The following PLD5 variants were observed in gnomAD, a reference collection of about 807,000 sequenced individuals.
The protein encoded by PLD5 is inactive phospholipase D5.
PLD5 carries 36 observed loss-of-function variants against 61.1 expected under a neutral mutation model. The observed-to-expected ratio is 0.59, with a 90% CI of 0.45 to 0.78. PLD5 has a LOEUF of 0.78. Ranked by LOEUF, PLD5 falls within the 30% of genes least tolerant of loss-of-function variation. PLD5 has a pLI of 0.00. For synonymous variants in PLD5, 243 were observed against 242.8 expected, an observed-to-expected ratio of 1.00 and a Z score of -0.01; for missense variants, 515 against 644.4, an observed-to-expected ratio of 0.80 and a Z score of 2.17.
chr1:242,438,151 A>G (rs1666090747), intron 1 of PLD5, among the ~76,000 whole-genome samples: 1 of 152,208 alleles, frequency 6.6e-6, no homozygotes, highest in Non-Finnish European at 1.5e-5. Flanking sequence ...TAACTTTTTA[A>G]AAGTCCCTAA....
At chr1:242,267,392 G>A (rs1673751199) in intron 3 of PLD5, among the ~76,000 whole-genome samples, 1 of 152,158 alleles carries the variant, frequency 6.6e-6, no homozygotes, top group Non-Finnish European at 1.5e-5. Context: ...CAGAGTGGAA[G>A]TTGCACCATT....
rs978923559 is a variant in PLD5 at position 242,242,016 on chromosome 1, C to T, written c.608-21901G>A. On this transcript the variant is annotated intron_variant, in intron 4 of 9. Coordinates refer to ENST00000536534, the MANE Select transcript of PLD5 (RefSeq NM_001372062.1). ...CTATATATATATATATATATAGACACACACACACACACACACACACACACA... is the reference window on the plus strand; with the variant it reads ...CTATATATATATATATATATAGACATACACACACACACACACACACACACA... 1.1e-3 allele frequency among the ~76,000 whole-genome samples: 140 copies of T among 130,012 alleles called. 1 individual carries two copies. The highest frequency in any genetic ancestry group is 3.3e-3 in the African/African-American group (109 of 33,202). The allele number at this position is 130,012 out of a possible 152,430, so 85.3% of individuals were successfully genotyped here. A position where few individuals can be genotyped will look rare whatever the true frequency, so the allele number is the denominator to read the frequency against.
chr1:242,450,088 T>G (rs1666720510), intron 1 of PLD5, among the ~76,000 whole-genome samples: 1 of 152,232 alleles, frequency 6.6e-6, no homozygotes. Flanking sequence ...TAGCCTGTGC[T>G]GCTCACTTAT....
At chr1:242,176,227 C>T (rs1183520826) in intron 5 of PLD5, among the ~76,000 whole-genome samples, 1 of 152,086 alleles carries the variant, frequency 6.6e-6, no homozygotes, top group Non-Finnish European at 1.5e-5. Context: ...GGTACTGGTA[C>T]CAAAACAGAC....
At chr1:242,371,061 T>C (rs1241268799) in intron 1 of PLD5, among the ~76,000 whole-genome samples, 2 of 152,198 alleles carry the variant, frequency 1.3e-5, no homozygotes, top group Non-Finnish European at 2.9e-5. Flanking sequence ...AAAACACTGC[T>C]GACAAAACCC....
intron 1 of PLD5, among the ~76,000 whole-genome samples, chr1:242,421,902 T>A (rs185304944): frequency 2.0e-5 from 3 of 152,338 alleles, no homozygotes; most frequent in Admixed American, 1.3e-4. Flanking sequence ...TGTTTAACAG[T>A]ATGTGTCCAG....
At chr1:242,119,729 A>T (rs773327277) in intron 6 of PLD5, among the ~76,000 whole-genome samples, 4 of 152,196 alleles carry the variant, frequency 2.6e-5, no homozygotes, top group Non-Finnish European at 5.9e-5. Context: ...TGCTGGTGGG[A>T]TTGTAAAATG....
At chr1:242,271,859 T>C (rs1418454459) in intron 3 of PLD5, among the ~76,000 whole-genome samples, 1 of 151,592 alleles carries the variant, frequency 6.6e-6, no homozygotes, top group Non-Finnish European at 1.5e-5. Flanking sequence ...AGTCACACAT[T>C]ACAGGGGAAG....
intron 2 of PLD5, among the ~76,000 whole-genome samples, chr1:242,290,204 G>A (rs140104828): frequency 0.051 from 6,453 of 126,374 alleles, 208 homozygotes; most frequent in Middle Eastern, 0.098. Flanking sequence ...AGCTTAATCA[G>A]AGGGAAAACA....
intron 1 of PLD5, among the ~76,000 whole-genome samples, chr1:242,516,097 T>C (rs1669092521): frequency 6.6e-6 from 1 of 152,054 alleles, no homozygotes; most frequent in South Asian, 2.1e-4. Context: ...CATTTGATTA[T>C]CCTCTTTTGT....
chr1:242,313,798 G>T (rs1275270739), intron 2 of PLD5, among the ~76,000 whole-genome samples: 4 of 90,056 alleles, frequency 4.4e-5, no homozygotes, highest in African/African-American at 1.2e-4. Flanking sequence ...TTTTTATAGA[G>T]AATGTGCTTC....
intron 5 of PLD5, among the ~76,000 whole-genome samples, chr1:242,146,859 C>T (rs1664580269): frequency 1.3e-5 from 2 of 152,130 alleles, no homozygotes; most frequent in Admixed American, 1.3e-4. Context: ...CACAGGAAGC[C>T]TTTTCTAAAA....
At chr1:242,399,999 T>A (rs1055778638) in intron 1 of PLD5, among the ~76,000 whole-genome samples, 3 of 151,916 alleles carry the variant, frequency 2.0e-5, no homozygotes, top group Non-Finnish European at 4.4e-5. Context: ...AGAAACCCAG[T>A]CTCTACTAAA....
At position 242,084,272 on chromosome 1, in the gene PLD5, G is replaced by A. The variant is rs1321314781; in HGVS notation, c.*5582C>T. 1 of 151,258 alleles carries A rather than the reference G, an allele frequency of 6.6e-6. No individual in the cohort carries two copies. Among genetic ancestry groups the A allele is most frequent in the East Asian group, 1.9e-4 (1 of 5,174 alleles). 9.4% of individuals were successfully genotyped at this position (151,258 alleles called of 1,614,324 possible). A position where few individuals can be genotyped will look rare whatever the true frequency, so the allele number is the denominator to read the frequency against. ...TTGCAGACTCAAAGTTCACTTTTAA[G>A]CCTTTGCTAACCTCTCCAATGATAG... On this transcript the variant is annotated 3_prime_UTR_variant, in exon 10 of 10. Transcript: ENST00000536534.
At chr1:242,216,374 A>G (rs1244368061) in intron 5 of PLD5, among the ~76,000 whole-genome samples, 1 of 152,202 alleles carries the variant, frequency 6.6e-6, no homozygotes, top group Non-Finnish European at 1.5e-5. Flanking sequence ...GTTTTGCAAA[A>G]GTTTCAGGAT....
At chr1:242,276,714 C>T (rs1224742081) in intron 3 of PLD5, among the ~76,000 whole-genome samples, 1 of 151,798 alleles carries the variant, frequency 6.6e-6, no homozygotes, top group East Asian at 2.0e-4. Context: ...AGACCCAGCA[C>T]CTTGATTGAC....
chr1:242,350,377 TG>T (rs1660403886), intron 1 of PLD5, among the ~76,000 whole-genome samples: 1 of 152,068 alleles, frequency 6.6e-6, no homozygotes, highest in Admixed American at 6.6e-5. Context: ...GGGTCATCTT[TG>T]GTCAGGCAGC....
At chr1:242,321,231 G>A (rs1574727686) in intron 2 of PLD5, among the ~76,000 whole-genome samples, 2 of 151,188 alleles carry the variant, frequency 1.3e-5, no homozygotes, top group East Asian at 4.0e-4. Flanking sequence ...AAAAATAATG[G>A]AGAGTTTGAC....
intron 1 of PLD5, among the ~76,000 whole-genome samples, chr1:242,406,725 G>A (rs1664253437): frequency 2.0e-5 from 3 of 152,294 alleles, no homozygotes; most frequent in South Asian, 2.1e-4. Flanking sequence ...TTTCTGAATT[G>A]AGAACTTGAT....
Sources: allele counts gnomAD v4.1 joint callset (sites outside exome capture counted in the v4.1 genomes callset), GRCh38; gene constraint gnomAD v4.1.1; transcripts MANE v1.5; gene names NCBI Gene and HGNC (gene_info 2026-07-23, HGNC 2026-07-21).